ANKS1B: variants seen among roughly 807,000 people sequenced by gnomAD.
ANKS1B encodes the protein ankyrin repeat and sterile alpha motif domain-containing protein 1B.
ANKS1B carries 36 observed loss-of-function variants against 148.3 expected under a neutral mutation model. The observed-to-expected ratio is 0.24, with a 90% confidence interval of 0.19 to 0.32. The LOEUF (loss-of-function observed/expected upper bound fraction) is 0.32, where lower values mean the gene tolerates loss of function less well. Among genes scored for constraint, ANKS1B ranks in the 10% least tolerant of loss-of-function variants. ANKS1B has a pLI of 1.00. For missense variants in ANKS1B, 1,157 were observed against 1,542.6 expected, an observed-to-expected ratio of 0.75 and a Z score of 4.19; for synonymous variants, 542 against 560.8, an observed-to-expected ratio of 0.97 and a Z score of 0.47.
chr12:99,272,756 T>C (rs2077188330), intron 12 of ANKS1B, among the ~76,000 whole-genome samples: 2 of 152,202 alleles, frequency 1.3e-5, no homozygotes, highest in African/African-American at 4.8e-5. Context: ...ATAAAACCTA[T>C]AAATCCCTTT....
chr12:98,908,101 G>A (rs1020242033), intron 17 of ANKS1B, among the ~76,000 whole-genome samples: 4 of 152,174 alleles, frequency 2.6e-5, no homozygotes, highest in African/African-American at 9.7e-5. Context: ...TCTGACTCAA[G>A]TACCAAGCAC....
chr12:98,793,822 G>A (rs1159104614), intron 22 of ANKS1B, among the ~76,000 whole-genome samples: 1 of 152,136 alleles, frequency 6.6e-6, no homozygotes, highest in Non-Finnish European at 1.5e-5. Flanking sequence ...TTTAATTAGG[G>A]AAGTGATGCA....
intron 1 of ANKS1B, among the ~76,000 whole-genome samples, chr12:99,850,468 C>T (rs576469836): frequency 6.6e-6 from 1 of 151,888 alleles, no homozygotes; most frequent in Non-Finnish European, 1.5e-5. Context: ...TTGCTATAGC[C>T]TTCATTTTAT....
chr12:99,939,176 C>T (rs902149359), intron 1 of ANKS1B, among the ~76,000 whole-genome samples: 3 of 152,084 alleles, frequency 2.0e-5, no homozygotes, highest in Admixed American at 6.5e-5. Flanking sequence ...ACTGCAGCCT[C>T]GACCTACTGG....
At chr12:99,900,848 C>T (rs949451450) in intron 1 of ANKS1B, among the ~76,000 whole-genome samples, 10 of 152,136 alleles carry the variant, frequency 6.6e-5, no homozygotes, top group Admixed American at 2.0e-4. Context: ...GACAAATGAA[C>T]GTATGCAATG....
At chr12:99,530,655 G>A (rs969882534) in intron 9 of ANKS1B, among the ~76,000 whole-genome samples, 1 of 152,012 alleles carries the variant, frequency 6.6e-6, no homozygotes, top group African/African-American at 2.4e-5. Context: ...ATATGGACAT[G>A]GATATGTAAA....
chr12:99,478,758 T>C (rs796124882), intron 10 of ANKS1B, among the ~76,000 whole-genome samples: 50 of 152,128 alleles, frequency 3.3e-4, no homozygotes, highest in African/African-American at 1.1e-3. Flanking sequence ...CAATAACCGA[T>C]TGTGAAGCTG....
chr12:99,354,662 C>T (rs2091801541), intron 12 of ANKS1B, among the ~76,000 whole-genome samples: 1 of 151,924 alleles, frequency 6.6e-6, no homozygotes, highest in Non-Finnish European at 1.5e-5. Context: ...CTTTGAGTCT[C>T]GTACTACTAG....
At chr12:99,785,258 C>CGTGTGT (rs34228059) in intron 4 of ANKS1B, among the ~76,000 whole-genome samples, 134 of 137,452 alleles carry the variant, frequency 9.7e-4, no homozygotes, top group Middle Eastern at 3.7e-3. Flanking sequence ...ATCAGTAGGT[C>CGTGTGT]GTGTGTGTGT....
intron 17 of ANKS1B, among the ~76,000 whole-genome samples, chr12:98,935,358 T>C (rs1327848359): frequency 1.3e-5 from 2 of 152,228 alleles, no homozygotes; most frequent in Non-Finnish European, 2.9e-5. Flanking sequence ...TTTAATGTGC[T>C]TTTAGATTCA....
chr12:99,598,291 C>A (rs144763634), intron 9 of ANKS1B, among the ~76,000 whole-genome samples: 6 of 152,138 alleles, frequency 3.9e-5, no homozygotes, highest in African/African-American at 1.2e-4. Context: ...TCAAAGAGCT[C>A]ATTGTCCAGT....
At chr12:99,027,498 T>C (rs957975840) in intron 17 of ANKS1B, among the ~76,000 whole-genome samples, 1 of 152,228 alleles carries the variant, frequency 6.6e-6, no homozygotes, top group Admixed American at 6.5e-5. Flanking sequence ...TGATGTCAAA[T>C]GACTTGATAA....
chr12:99,687,015 G>T (rs762031484), intron 8 of ANKS1B, among the ~76,000 whole-genome samples: 19 of 152,010 alleles, frequency 1.2e-4, no homozygotes, highest in Non-Finnish European at 1.5e-4. Flanking sequence ...ATCTTTCTAT[G>T]AGAAAGATGT....
chr12:99,093,428 C>G (rs1341318267), intron 15 of ANKS1B: 1 of 152,214 alleles, frequency 6.6e-6, no homozygotes, highest in South Asian at 2.1e-4. Flanking sequence ...TGTCAAACGA[C>G]CTGACTGGTC....
At chr12:99,912,690 G>A (rs1356757106) in intron 1 of ANKS1B, among the ~76,000 whole-genome samples, 1 of 152,054 alleles carries the variant, frequency 6.6e-6, no homozygotes, top group African/African-American at 2.4e-5. Flanking sequence ...TTTACTTTGA[G>A]TGTTAAGGCT....
At chr12:98,990,094 G>C (rs1205069015) in intron 17 of ANKS1B, among the ~76,000 whole-genome samples, 3 of 152,144 alleles carry the variant, frequency 2.0e-5, no homozygotes, top group Non-Finnish European at 4.4e-5. Flanking sequence ...TGAATGTATA[G>C]ATTGCTTTGG....
intron 11 of ANKS1B, among the ~76,000 whole-genome samples, chr12:99,441,658 G>A (rs17029468): frequency 0.1 from 15,684 of 151,914 alleles, 1,235 homozygotes; most frequent in East Asian, 0.38. Context: ...ATCATCCTGA[G>A]TTACTTAACT....
intron 1 of ANKS1B, among the ~76,000 whole-genome samples, chr12:99,917,813 C>G (rs1019327450): frequency 6.6e-6 from 1 of 152,220 alleles, no homozygotes; most frequent in Non-Finnish European, 1.5e-5. Flanking sequence ...TCCTCTTAAA[C>G]AGAGGTCCCC....
At chr12:99,126,417 A>G (rs530101111) in intron 15 of ANKS1B, among the ~76,000 whole-genome samples, 1 of 152,294 alleles carries the variant, frequency 6.6e-6, no homozygotes, top group Non-Finnish European at 1.5e-5. Flanking sequence ...TAAGTCTAGT[A>G]TTTCAATTTA....
Sources: gnomAD v4.1 joint callset for allele counts (sites outside exome capture counted in the v4.1 genomes callset) on GRCh38, gnomAD v4.1.1 for gene constraint, MANE v1.5 for transcripts, NCBI Gene and HGNC (gene_info 2026-07-23, HGNC 2026-07-21) for gene names.